Variants in KDM4B observed in about 807,000 individuals in gnomAD.
The protein encoded by KDM4B is lysine demethylase 4B.
Under a neutral mutation model 125.2 loss-of-function variants are expected in KDM4B, and 32 were observed. The observed-to-expected ratio is 0.26, with a 90% CI of 0.19 to 0.34. KDM4B has a LOEUF of 0.34. Ranked by LOEUF, KDM4B falls within the 10% of genes least tolerant of loss-of-function variation. KDM4B has a pLI of 1.00. For missense variants in KDM4B, 1,190 were observed against 1,577.7 expected, an observed-to-expected ratio of 0.75 and a Z score of 4.16; for synonymous variants, 721 against 677.9, an observed-to-expected ratio of 1.06 and a Z score of -0.99.
intron 6 of KDM4B, among the ~76,000 whole-genome samples, chr19:5,059,827 G>A (rs1334738213): frequency 1.3e-5 from 2 of 152,202 alleles, no homozygotes; most frequent in Non-Finnish European, 2.9e-5. Flanking sequence ...AGCCTCCACA[G>A]CCTGCAGGTA....
intron 6 of KDM4B, among the ~76,000 whole-genome samples, chr19:5,049,941 T>G (rs1048355117): frequency 2.6e-5 from 4 of 151,934 alleles, no homozygotes; most frequent in Non-Finnish European, 5.9e-5. Context: ...AAAGAGTGTC[T>G]GGCCTCTGGT....
intron 1 of KDM4B, among the ~76,000 whole-genome samples, chr19:5,002,154 T>C (rs1479808273): frequency 2.6e-5 from 4 of 152,134 alleles, no homozygotes; most frequent in Admixed American, 6.5e-5. Flanking sequence ...TGTGCCACCA[T>C]GTCCAGCTAA....
intron 2 of KDM4B, among the ~76,000 whole-genome samples, chr19:5,029,468 C>T (rs1000902941): frequency 2.0e-5 from 3 of 152,170 alleles, no homozygotes; most frequent in Non-Finnish European, 4.4e-5. Flanking sequence ...AAGGTTATGG[C>T]GCGTGGGGAT....
intron 21 of KDM4B, among the ~76,000 whole-genome samples, chr19:5,146,759 C>CCCCA (rs2039853884): frequency 1.5e-5 from 1 of 66,820 alleles, no homozygotes; most frequent in Non-Finnish European, 3.3e-5. Flanking sequence ...AGACCCCCCC[C>CCCCA]CCCCCCACAA....
At chr19:4,989,904 C>T (rs932394586) in intron 1 of KDM4B, among the ~76,000 whole-genome samples, 2 of 152,232 alleles carry the variant, frequency 1.3e-5, no homozygotes, top group African/African-American at 4.8e-5. Context: ...CCACTCGCCT[C>T]GGCCTCTCCG....
rs761434916 is a variant in KDM4B, at chr19:5,077,374, C to T, written c.684C>T (p.Phe228=). The change falls in exon 8 of 23, where the codon TTC becomes TTT. Residue 228 remains phenylalanine, a synonymous_variant. Transcript: ENST00000159111. The part of the protein sequence containing the change: ...KRLERLAIGF[F]PGSSQGCDAF... ...CTGTCTTTTCGGCCCTAGGCTTCTT[C>T]CCCGGGAGCTCGCAGGGCTGCGACG... 4 of 1,612,698 alleles carry T rather than the reference C, an allele frequency of 2.5e-6. No homozygotes were observed. Among genetic ancestry groups the T allele is most frequent in the Non-Finnish European group, 3.4e-6 (4 of 1,179,850 alleles).
chr19:5,109,511 G>C (rs959030711), intron 9 of KDM4B, among the ~76,000 whole-genome samples: 14 of 152,182 alleles, frequency 9.2e-5, no homozygotes. Flanking sequence ...CTGCCCGGCA[G>C]GCAGCTGGAG....
chr19:5,135,209 C>T (rs2039625966), intron 14 of KDM4B, 130 bp from the exon 15 acceptor site: 1 of 630,874 alleles, frequency 1.6e-6, no homozygotes, highest in Non-Finnish European at 2.8e-6. Flanking sequence ...CTCTGGCCAT[C>T]TCCCCGACCT....
At chr19:4,976,484 C>T (rs2034450432) in intron 1 of KDM4B, among the ~76,000 whole-genome samples, 1 of 152,112 alleles carries the variant, frequency 6.6e-6, no homozygotes, top group African/African-American at 2.4e-5. Flanking sequence ...AGAAGCACGT[C>T]GAGCCGTGTA....
chr19:5,102,089 C>A (rs2145955198), intron 9 of KDM4B, among the ~76,000 whole-genome samples: 2 of 152,274 alleles, frequency 1.3e-5, no homozygotes, highest in Middle Eastern at 6.8e-3. Context: ...TCCAGGGGAC[C>A]CTGGGCCATG....
chr19:4,988,696 A>AG lies in KDM4B; in HGVS notation c.-109+19469dup, dbSNP rs201642423. Reference sequence around the variant, plus strand: ...AAAGGAGGCAGATGAAGACATGTGTAGGGTGAGGGATGTGGGAAGGGGCAC... The same window carrying AG: ...AAAGGAGGCAGATGAAGACATGTGTAGGGGTGAGGGATGTGGGAAGGGGCAC... On this transcript the variant is annotated intron_variant, in intron 1 of 22. Coordinates refer to ENST00000159111, the MANE Select transcript of KDM4B (RefSeq NM_015015.3). Among the ~76,000 whole-genome samples the AG allele has an allele frequency of 1.1e-3, 175 of 152,330 alleles. 3 individuals carry two copies. Among genetic ancestry groups the AG allele is most frequent in the East Asian group, 8.1e-3 (42 of 5,180 alleles).
At chr19:5,029,120 A>G (rs888021698) in intron 2 of KDM4B, among the ~76,000 whole-genome samples, 10 of 152,142 alleles carry the variant, frequency 6.6e-5, no homozygotes, top group Admixed American at 1.3e-4. Context: ...TATGTTGCTT[A>G]TGCTGATGTC....
chr19:5,085,647 G>A (rs1343170914), intron 9 of KDM4B, among the ~76,000 whole-genome samples: 2 of 152,214 alleles, frequency 1.3e-5, no homozygotes, highest in Non-Finnish European at 2.9e-5. Flanking sequence ...AGGCGCCCAG[G>A]GCCTGGGCTT....
At chr19:5,137,520 T>C (rs189766515) in intron 16 of KDM4B, 101 bp from the exon 17 acceptor site, 118 of 1,315,192 alleles carry the variant, frequency 9.0e-5, no homozygotes, top group Non-Finnish European at 1.1e-4. Flanking sequence ...GGTTGAAATA[T>C]AAGGGCCGTG....
At chr19:5,139,657 T>C (rs2039707690) in intron 18 of KDM4B, among the ~76,000 whole-genome samples, 1 of 152,226 alleles carries the variant, frequency 6.6e-6, no homozygotes, top group Non-Finnish European at 1.5e-5. Context: ...ATTTGTGTTC[T>C]CCTGGCGGTC....
In KDM4B at chr19:5,101,345, G is replaced by A. The variant is rs562266496; in HGVS notation, c.919-9277G>A. Among the ~76,000 whole-genome samples, 12 of 151,488 alleles carry A rather than the reference G, an allele frequency of 7.9e-5. No homozygotes were observed. In the South Asian group the frequency reaches 2.1e-3, roughly 26 times the overall value. On this transcript the variant is annotated intron_variant, in intron 9 of 22. Coordinates refer to ENST00000159111, the MANE Select transcript of KDM4B (RefSeq NM_015015.3). ...AGGCCCATCTCTCTGATGCTTGGGGGTAACGATCTAGTGTAATGATTACAA... is the reference window on the plus strand; with the variant it reads ...AGGCCCATCTCTCTGATGCTTGGGGATAACGATCTAGTGTAATGATTACAA...
chr19:5,120,275 C>T (rs999408232), intron 11 of KDM4B, among the ~76,000 whole-genome samples: 2 of 152,194 alleles, frequency 1.3e-5, no homozygotes, highest in Admixed American at 6.5e-5. Flanking sequence ...GCCGTGTTTG[C>T]ACCTCTGCAC....
chr19:5,080,192 T>A (rs2038246654), intron 8 of KDM4B, among the ~76,000 whole-genome samples: 3 of 152,236 alleles, frequency 2.0e-5, no homozygotes, highest in Admixed American at 2.0e-4. Flanking sequence ...AATATCACAG[T>A]GTTCTTAAGG....
chr19:5,121,712 A>C (rs1025993764), intron 11 of KDM4B, among the ~76,000 whole-genome samples: 3 of 152,116 alleles, frequency 2.0e-5, no homozygotes, highest in Non-Finnish European at 2.9e-5. Context: ...AGAAGGACCT[A>C]CCAGGTGTTA....
Sources: allele counts gnomAD v4.1 joint callset (sites outside exome capture counted in the v4.1 genomes callset), GRCh38; gene constraint gnomAD v4.1.1; transcripts MANE v1.5; gene names NCBI Gene and HGNC (gene_info 2026-07-23, HGNC 2026-07-21).